CTNNA2: variants seen among roughly 807,000 people sequenced by gnomAD.
CTNNA2 encodes the protein catenin alpha 2.
Under a neutral mutation model 101.0 loss-of-function variants are expected in CTNNA2, and 42 were observed. The ratio of observed to expected loss-of-function variants is 0.42; its 90% CI spans 0.32 to 0.54. The LOEUF (loss-of-function observed/expected upper bound fraction) is 0.54, where lower values mean the gene tolerates loss of function less well. Ranked by LOEUF, CTNNA2 falls within the 20% of genes least tolerant of loss-of-function variation. The probability of loss-of-function intolerance (pLI) is 0.14; values close to 1 mark genes in which losing one functional copy is unlikely to be tolerated. For synonymous variants in CTNNA2, 450 were observed against 456.4 expected (o/e 0.99, Z 0.18); for missense variants, 871 against 1,223.1 (o/e 0.71, Z 4.29).
chr2:79,702,957 G>T (rs540777405), intron 2 of CTNNA2, among the ~76,000 whole-genome samples: 1 of 152,268 alleles, frequency 6.6e-6, no homozygotes, highest in Non-Finnish European at 1.5e-5. Context: ...ACACAGGAGA[G>T]GCCAGTGGGT....
chr2:79,358,499 C>A (rs1013945741), intron 3 of CTNNA2, among the ~76,000 whole-genome samples: 2 of 152,108 alleles, frequency 1.3e-5, no homozygotes, highest in African/African-American at 4.8e-5. Flanking sequence ...TGCGCCTGGC[C>A]AAGTGGGATC....
intron 2 of CTNNA2, among the ~76,000 whole-genome samples, chr2:79,718,961 G>A (rs868010903): frequency 6.6e-6 from 1 of 151,952 alleles, no homozygotes; most frequent in Non-Finnish European, 1.5e-5. Flanking sequence ...ACATGTACAG[G>A]TTTGTTACAT....
chr2:80,258,582 T>C (rs1672354170), intron 7 of CTNNA2, among the ~76,000 whole-genome samples: 1 of 152,172 alleles, frequency 6.6e-6, no homozygotes, highest in Non-Finnish European at 1.5e-5. Flanking sequence ...GAGCCATTGA[T>C]GATAAACAGA....
At chr2:80,291,627 A>G (rs1296642993) in intron 7 of CTNNA2, among the ~76,000 whole-genome samples, 1 of 152,212 alleles carries the variant, frequency 6.6e-6, no homozygotes, top group African/African-American at 2.4e-5. Flanking sequence ...GGCCAGTATG[A>G]TTTAATATTG....
At chr2:80,301,708 A>C (rs1033752171) in intron 7 of CTNNA2, among the ~76,000 whole-genome samples, 1 of 152,104 alleles carries the variant, frequency 6.6e-6, no homozygotes, top group Non-Finnish European at 1.5e-5. Context: ...CATTAATCTG[A>C]TAAGCTTTCT....
chr2:80,293,525 G>A (rs1166480483), intron 7 of CTNNA2, among the ~76,000 whole-genome samples: 2 of 152,200 alleles, frequency 1.3e-5, no homozygotes, highest in East Asian at 3.8e-4. Context: ...ATCTGCTCTT[G>A]TAAGAGAGCA....
intron 7 of CTNNA2, among the ~76,000 whole-genome samples, chr2:79,948,076 C>T (rs1317786254): frequency 2.6e-5 from 4 of 152,192 alleles, no homozygotes; most frequent in African/African-American, 9.6e-5. Flanking sequence ...GCCTTATGCA[C>T]ACTAGCAGCT....
chr2:79,837,489 A>G (rs1338524870), intron 3 of CTNNA2, among the ~76,000 whole-genome samples: 1 of 152,102 alleles, frequency 6.6e-6, no homozygotes, highest in African/African-American at 2.4e-5. Flanking sequence ...CTTCAATCCA[A>G]TCAAGTCAAC....
chr2:79,280,749 T>G (rs1386786797), intron 2 of CTNNA2, among the ~76,000 whole-genome samples: 1 of 151,122 alleles, frequency 6.6e-6, no homozygotes, highest in African/African-American at 2.4e-5. Flanking sequence ...CCATCCACCC[T>G]TGTGCAGCTC....
At chr2:80,391,704 GCACAAC>G (rs1370960448) in intron 7 of CTNNA2, among the ~76,000 whole-genome samples, 1 of 152,220 alleles carries the variant, frequency 6.6e-6, no homozygotes, top group African/African-American at 2.4e-5. Context: ...CACACTCACT[GCACAAC>G]CACATTCCCT....
intron 2 of CTNNA2, among the ~76,000 whole-genome samples, chr2:79,676,392 C>T (rs1426622208): frequency 6.6e-6 from 1 of 152,108 alleles, no homozygotes; most frequent in East Asian, 1.9e-4. Context: ...CCTCCCTGGA[C>T]TCGGACACTT....
At chr2:79,507,557 C>T (rs1671440633) in intron 5 of CTNNA2, among the ~76,000 whole-genome samples, 2 of 152,112 alleles carry the variant, frequency 1.3e-5, no homozygotes. Flanking sequence ...TCTTACAGAA[C>T]CATGAGCCAA....
At chr2:80,256,541 G>GA (rs979555874) in intron 7 of CTNNA2, among the ~76,000 whole-genome samples, 11 of 151,780 alleles carry the variant, frequency 7.2e-5, no homozygotes, top group South Asian at 2.1e-4. Flanking sequence ...ACCATCTAGG[G>GA]AAAAAAAATC....
intron 6 of CTNNA2, among the ~76,000 whole-genome samples, chr2:79,887,276 C>G (rs1266522217): frequency 1.3e-5 from 2 of 152,144 alleles, no homozygotes; most frequent in Non-Finnish European, 2.9e-5. Context: ...GTGGGTGAAT[C>G]TGAACCATAC....
chr2:79,915,033 G>A (rs769620349), intron 7 of CTNNA2, among the ~76,000 whole-genome samples: 229 of 151,810 alleles, frequency 1.5e-3, no homozygotes, highest in Non-Finnish European at 2.1e-3. Flanking sequence ...TTTCCAGCCC[G>A]GTTTTATGGC....
intron 4 of CTNNA2, among the ~76,000 whole-genome samples, chr2:79,498,589 G>A (rs1368891762): frequency 6.6e-6 from 1 of 151,626 alleles, no homozygotes; most frequent in Non-Finnish European, 1.5e-5. Context: ...CTGCCTCGGA[G>A]CAATTAAAAA....
intron 2 of CTNNA2, among the ~76,000 whole-genome samples, chr2:79,695,542 T>C (rs1684601918): frequency 6.6e-6 from 1 of 152,024 alleles, no homozygotes; most frequent in African/African-American, 2.4e-5. Context: ...AGCCTCTCCA[T>C]GGGTCCCATG....
At chr2:80,115,997 AC>A (rs1701491727) in intron 7 of CTNNA2, among the ~76,000 whole-genome samples, 2 of 152,180 alleles carry the variant, frequency 1.3e-5, no homozygotes, top group Non-Finnish European at 2.9e-5. Flanking sequence ...AGCTATCGAC[AC>A]ATATATTAGA....
At chr2:80,640,028 G>A (rs567723685) in intron 18 of CTNNA2, among the ~76,000 whole-genome samples, 2 of 151,996 alleles carry the variant, frequency 1.3e-5, no homozygotes, top group South Asian at 4.1e-4. Context: ...CTTGAACCCG[G>A]TAGGCGGAGG....
Sources: gnomAD v4.1 joint callset for allele counts (sites outside exome capture counted in the v4.1 genomes callset) on GRCh38, gnomAD v4.1.1 for gene constraint, MANE v1.5 for transcripts, NCBI Gene and HGNC (gene_info 2026-07-23, HGNC 2026-07-21) for gene names.